Variants in MEGF6 observed in about 807,000 individuals in gnomAD.
MEGF6 encodes the protein multiple EGF like domains 6, also known as multiple epidermal growth factor-like domains protein 6.
A neutral mutation model predicts 207.1 loss-of-function variants in MEGF6; 184 were observed. The ratio of observed to expected loss-of-function variants is 0.89; its 90% CI spans 0.79 to 1.00. The LOEUF (loss-of-function observed/expected upper bound fraction) is 1.00. Ranked by LOEUF, MEGF6 falls within the 50% of genes least tolerant of loss-of-function variation. The pLI is 0.00. For missense variants in MEGF6, 2,282 were observed against 2,202.9 expected (o/e 1.04, Z -0.72); for synonymous variants, 1,038 against 910.0 (o/e 1.14, Z -2.53).
At position 3,510,678 on chromosome 1, in the gene MEGF6, G is replaced by T. The variant is rs1001245641; in HGVS notation, c.1234+105C>A. On this transcript the variant is annotated intron_variant, in intron 10 of 36. Transcript: ENST00000356575. ...CCCAAAGCAAAGCACAGAGCAGGCC[G>T]ACCCCATGCCCACCATGGGGGTACC... is the stretch of plus-strand genomic sequence containing the variant. 5.6e-6 allele frequency: 8 copies of T among 1,427,622 alleles called. No individual in the cohort carries two copies. In the African/African-American group the frequency reaches 7.1e-5, roughly 13 times the overall value. 88.4% of individuals were successfully genotyped at this position (1,427,622 alleles called of 1,614,324 possible). A position where few individuals can be genotyped will look rare whatever the true frequency, so the allele number is the denominator to read the frequency against.
chr1:3,503,551 T>C (rs1475092007), intron 17 of MEGF6, among the ~76,000 whole-genome samples: 1 of 152,016 alleles, frequency 6.6e-6, no homozygotes, highest in Non-Finnish European at 1.5e-5. Flanking sequence ...GAGGTGCTTC[T>C]CTGGCGAGGC....
chr1:3,547,078 C>A, intron 4 of MEGF6: 1 of 156,858 alleles, frequency 6.4e-6, no homozygotes, highest in Non-Finnish European at 1.4e-5. Context: ...GGTGTCCCGG[C>A]ACCGACCCGC....
rs1318172054 is a variant in MEGF6, at chr1:3,560,205, A to T, written c.481+19620T>A. On this transcript the variant is annotated intron_variant, in intron 4 of 36. Transcript: ENST00000356575. The surrounding 1 kb of genome is among the most constrained non-coding windows in gnomAD (Gnocchi z 4.0). ...TTAGGCTTATGGAAAAACTGGACAG[A>T]AAGTACAGAGTTTCCTTCTCCCAAC... Among the ~76,000 whole-genome samples, 1 of 152,066 alleles carries T rather than the reference A, an allele frequency of 6.6e-6. No homozygotes were observed. Among genetic ancestry groups the T allele is most frequent in the Admixed American group, 6.5e-5 (1 of 15,268 alleles).
chr1:3,495,865 C>T, intron 30 of MEGF6, 25 bp downstream of exon 30: 1 of 1,595,412 alleles, frequency 6.3e-7, no homozygotes, highest in Non-Finnish European at 8.5e-7. Context: ...GGCCTGTGAG[C>T]ATGCCCTCTG....
the MEGF6 span, chr1:3,624,267 G>A: frequency 3.3e-5 from 5 of 152,506 alleles, no homozygotes; most frequent in African/African-American, 1.2e-4. Context: ...CACACGCGCT[G>A]GGGGCACCTC....
chr1:3,544,334 GGGGCTGC>G (rs566446943), intron 4 of MEGF6, among the ~76,000 whole-genome samples: 119 of 151,594 alleles, frequency 7.8e-4, no homozygotes, highest in African/African-American at 2.8e-3. Flanking sequence ...AGGGGCTCCT[GGGGCTGC>G]AGGGCGGCAC....
chr1:3,501,442 AGGGGAGAGGACCCG>A (rs1229276803), intron 18 of MEGF6, 134 bp from the exon 19 acceptor site: 1 of 1,327,522 alleles, frequency 7.5e-7, no homozygotes, highest in African/African-American at 1.5e-5. Flanking sequence ...TGCCCCGGGG[AGGGGAGAGGACCCG>A]GGCACCTCCT....
At chr1:3,537,181 G>T (rs1329589485) in intron 4 of MEGF6, among the ~76,000 whole-genome samples, 2 of 152,228 alleles carry the variant, frequency 1.3e-5, no homozygotes, top group African/African-American at 4.8e-5. Context: ...GGCCCAAGGG[G>T]GCCAAGGCCC....
At chr1:3,517,932 A>T (rs1239584943) in intron 5 of MEGF6, among the ~76,000 whole-genome samples, 1 of 152,174 alleles carries the variant, frequency 6.6e-6, no homozygotes, top group African/African-American at 2.4e-5. Context: ...ATCCCCACCC[A>T]GTGGGGGTTT....
rs1188987048 is a variant in MEGF6 at position 3,494,665 on chromosome 1, G to A, written c.3948C>T (p.Ser1316=). ...CCAGGCCACAGGAGCAGCTGCCGTT[G>A]CTGGCGTGGCACAGGCCCCCATTTC... ...SCRNGGLCHA[S]NGSCSCGLGW... is the part of the protein sequence containing the mutation. Residue 1316 remains serine (S), a synonymous_variant, in exon 31 of 37, where the codon AGC becomes AGT. Transcript: ENST00000356575. The A allele has an allele frequency of 4.5e-6, 7 of 1,567,866 alleles. No individual in the cohort carries two copies. Among genetic ancestry groups the A allele is most frequent in the Non-Finnish European group, 6.0e-6 (7 of 1,157,686 alleles).
In MEGF6 at chr1:3,509,871, G is replaced by A. The variant is rs1226483530; in HGVS notation, c.1356C>T (p.Ser452=). ...YRLHEDRRGC[S]PLEEPMVDLD... is the part of the protein sequence containing the mutation. ...CTCCGCGGAGGGCGGGAGACTCACGGCTGCAGCCCCTACGGTCCTCGTGCA... is the reference window on the plus strand; with the variant it reads ...CTCCGCGGAGGGCGGGAGACTCACGACTGCAGCCCCTACGGTCCTCGTGCA... The change falls in exon 11 of 37, where the codon AGC becomes AGT. Residue 452 remains serine (S), a splice_region_variant and synonymous_variant. Coordinates refer to ENST00000356575, the MANE Select transcript of MEGF6 (RefSeq NM_001409.4). 1 of 1,552,924 alleles carries A rather than the reference G, an allele frequency of 6.4e-7. No individual in the cohort carries two copies. Among genetic ancestry groups the A allele is most frequent in the Middle Eastern group, 2.3e-4 (1 of 4,420 alleles).
At chr1:3,517,194 AGGGG>A (rs1237762691) in intron 5 of MEGF6, among the ~76,000 whole-genome samples, 1 of 152,214 alleles carries the variant, frequency 6.6e-6, no homozygotes, top group Non-Finnish European at 1.5e-5. Context: ...AGGCAGGCAC[AGGGG>A]GCACAGAGCC....
At chr1:3,562,684 C>T (rs565102491) in intron 4 of MEGF6, among the ~76,000 whole-genome samples, 3 of 152,220 alleles carry the variant, frequency 2.0e-5, no homozygotes, top group African/African-American at 4.8e-5. Flanking sequence ...CCCCCCAGGT[C>T]GGAGAGCCAC....
intron 2 of MEGF6, among the ~76,000 whole-genome samples, chr1:3,601,855 C>A (rs12401505): frequency 6.6e-6 from 1 of 152,042 alleles, no homozygotes; most frequent in Admixed American, 6.5e-5. Context: ...GGCCTCGGCT[C>A]CTCCGCAGAT....
chr1:3,611,163 G>A lies in MEGF6; in HGVS notation c.106C>T (p.Pro36Ser), dbSNP rs1315739255. 7.2e-6 allele frequency: 11 copies of A among 1,535,152 alleles called. No individual in the cohort carries two copies. The East Asian group carries it at 2.8e-4, about 39-fold the overall frequency. The change falls in exon 1 of 37, where the codon CCC becomes TCC. Residue 36 changes from proline (P) to serine (S), a missense_variant. Coordinates refer to ENST00000356575, the MANE Select transcript of MEGF6 (RefSeq NM_001409.4). The stretch of plus-strand genomic sequence containing the variant: ...ATGCCGGGCTGCAGCGGGAGCAGGG[G>A]CCGCGGCGGAACGCTGGCGCCCACG... ...VPVGASVPPR[P>S]LLPLQPGMPH...
chr1:3,616,207 G>A (rs1194326916), upstream of MEGF6, among the ~76,000 whole-genome samples: 3 of 152,288 alleles, frequency 2.0e-5, no homozygotes, highest in East Asian at 5.8e-4. Flanking sequence ...TTCCAGAGCT[G>A]AGAGTCCCAC....
At chr1:3,494,861 G>C (rs1640535975) in intron 30 of MEGF6, 120 bp from the exon 31 acceptor site, 1 of 1,389,278 alleles carries the variant, frequency 7.2e-7, no homozygotes, top group African/African-American at 1.5e-5. Flanking sequence ...ATCAGTGCCA[G>C]TCTCTGCCTG....
In MEGF6 at chr1:3,498,482, C is replaced by T. The variant is rs530800153; in HGVS notation, c.3241G>A (p.Val1081Ile). ...ACEKECLPRD[V>I]RAGCRHSGGC... Reference sequence around the variant, plus strand: ...CCGCTGTGCCGGCAGCCAGCTCTGACGTCCCGGGGGAGGCACTCTACAGGA... The same window carrying T: ...CCGCTGTGCCGGCAGCCAGCTCTGATGTCCCGGGGGAGGCACTCTACAGGA... Residue 1081 changes from valine (V) to isoleucine (I), a missense_variant, in exon 26 of 37, where the codon GTC (valine) becomes ATC (isoleucine). Coordinates refer to ENST00000356575, the MANE Select transcript of MEGF6 (RefSeq NM_001409.4). 48 of 1,580,054 alleles carry T rather than the reference C, an allele frequency of 3.0e-5. No homozygotes were observed. The African/African-American group carries it at 3.6e-4, about 12-fold the overall frequency.
chr1:3,622,483 A>C, the MEGF6 span, among the ~76,000 whole-genome samples: 1 of 152,152 alleles, frequency 6.6e-6, no homozygotes, highest in Non-Finnish European at 1.5e-5. Flanking sequence ...TATTAATAGC[A>C]GTGGGAAAAC....
Sources: gnomAD v4.1 joint callset for allele counts (sites outside exome capture counted in the v4.1 genomes callset) on GRCh38, gnomAD v4.1.1 for gene constraint, Gnocchi (gnomAD v3.1) non-coding constraint, MANE v1.5 for transcripts, NCBI Gene and HGNC (gene_info 2026-07-23, HGNC 2026-07-21) for gene names.